P2RY2: variants seen among roughly 807,000 people sequenced by gnomAD.
P2RY2 encodes the protein P2Y purinoceptor 2.
For missense variants in P2RY2, 567 were observed against 515.7 expected (o/e 1.10, Z -0.96); for synonymous variants, 241 against 231.9 (o/e 1.04, Z -0.35).
At chr11:73,232,530 G>C (rs1266361476) in intron 2 of P2RY2, among the ~76,000 whole-genome samples, 3 of 151,992 alleles carry the variant, frequency 2.0e-5, no homozygotes, top group Non-Finnish European at 4.4e-5. Context: ...TCCCACCTCA[G>C]ACTTCCGAGT....
At chr11:73,230,349 T>C (rs1211441305) in intron 2 of P2RY2, among the ~76,000 whole-genome samples, 2 of 151,828 alleles carry the variant, frequency 1.3e-5, no homozygotes, top group African/African-American at 2.4e-5. Flanking sequence ...GCTCTCAGTG[T>C]CACTCCCCTG....
At chr11:73,233,044 G>A (rs1018001204) in intron 2 of P2RY2, among the ~76,000 whole-genome samples, 7 of 152,132 alleles carry the variant, frequency 4.6e-5, no homozygotes, top group Non-Finnish European at 8.8e-5. Flanking sequence ...TGCTCAGTGG[G>A]GACAAGGTTG....
At position 73,236,947 on chromosome 11, in the gene P2RY2, G is replaced by A. The variant is rs1022233727; in HGVS notation, c.*1654G>A. 43 of 985,146 alleles carry A rather than the reference G, an allele frequency of 4.4e-5. No homozygotes were observed. In the African/African-American group the frequency reaches 6.3e-4, roughly 14 times the overall value. The allele number at this position is 985,146 out of a possible 1,614,324, so 61.0% of individuals were successfully genotyped here. On this transcript the variant is annotated 3_prime_UTR_variant, in exon 3 of 3. Transcript: ENST00000393597. ...GACAGGCCTCACTCTTGATCTCAAG[G>A]ACAGGGACTCCCTCCTCTCCCTCTG...
chr11:73,229,301 G>A (rs578251639), intron 2 of P2RY2, among the ~76,000 whole-genome samples: 11 of 152,148 alleles, frequency 7.2e-5, no homozygotes, highest in Non-Finnish European at 1.6e-4. Flanking sequence ...ACAGGCAGGG[G>A]AGCCTGGAAG....
In P2RY2 at chr11:73,238,584, G is replaced by C. The variant is rs1009924372; in HGVS notation, c.*3291G>C. Among the ~76,000 whole-genome samples, 2 of 152,192 alleles carry C rather than the reference G, an allele frequency of 1.3e-5. No individual in the cohort carries two copies. Among genetic ancestry groups the C allele is most frequent in the Non-Finnish European group, 2.9e-5 (2 of 68,028 alleles). On this transcript the variant is annotated 3_prime_UTR_variant, in exon 3 of 3. Coordinates refer to ENST00000393597, the MANE Select transcript of P2RY2 (RefSeq NM_002564.4). ...ATCAGGCACATGAGGGAGGGAAGTC[G>C]TGTATTGACCCATGTCCCACGCACC...
rs1862608162 is a variant in P2RY2 at position 73,235,169 on chromosome 11, G to A, written c.1010G>A (p.Gly337Asp). The part of the protein sequence containing the change: ...SPATPARRRL[G>D]LRRSDRTDMQ... Reference sequence around the variant, plus strand: ...GCCACCCCGGCTCGCCGCAGGCTGGGCCTGCGCAGATCCGACAGAACTGAC... The same window carrying A: ...GCCACCCCGGCTCGCCGCAGGCTGGACCTGCGCAGATCCGACAGAACTGAC... The change falls in exon 3 of 3, where the codon GGC becomes GAC. Residue 337 changes from glycine (G) to aspartate (D), a missense_variant. Gly to Asp is a moderately conservative substitution (Grantham distance 94). Transcript: ENST00000393597. The A allele has an allele frequency of 2.5e-6, 4 of 1,609,720 alleles. No homozygotes were observed. In the East Asian group the frequency reaches 8.9e-5, roughly 36 times the overall value.
chr11:73,220,493 C>A (rs1051771041), intron 1 of P2RY2, among the ~76,000 whole-genome samples: 1 of 152,310 alleles, frequency 6.6e-6, no homozygotes, highest in South Asian at 2.1e-4. Flanking sequence ...AAACACTTTT[C>A]CCTGAGCCTT....
chr11:73,227,670 C>T (rs555436614), intron 1 of P2RY2, among the ~76,000 whole-genome samples: 35 of 152,236 alleles, frequency 2.3e-4, no homozygotes, highest in African/African-American at 6.7e-4. Context: ...GAACCAGGAC[C>T]GAGGGAAGGG....
chr11:73,230,245 CT>C (rs940706930), intron 2 of P2RY2, among the ~76,000 whole-genome samples: 1 of 152,006 alleles, frequency 6.6e-6, no homozygotes, highest in Admixed American at 6.5e-5. Context: ...CACTGCATTC[CT>C]CCTCCCCACC....
At position 73,235,871 on chromosome 11, in the gene P2RY2, G is replaced by T. The variant is rs774207121; in HGVS notation, c.*578G>T. 3 of 1,000,342 alleles carry T rather than the reference G, an allele frequency of 3.0e-6. No individual in the cohort carries two copies. The highest frequency in any genetic ancestry group is 3.5e-5 in the African/African-American group (2 of 57,242). The allele number at this position is 1,000,342 out of a possible 1,614,324, so 62.0% of individuals were successfully genotyped here. A position where few individuals can be genotyped will look rare whatever the true frequency, so the allele number is the denominator to read the frequency against. On this transcript the variant is annotated 3_prime_UTR_variant, in exon 3 of 3. Transcript: ENST00000393597. ...ACTAATATCATAGACCCATCTGGAG[G>T]CTCCCATGGGCTAGGAGCCAGTGTG...
Position 73,239,882 on chromosome 11 carries a change from A to T in P2RY2, c.*4589A>T, listed in dbSNP as rs1181650230. 6.6e-6 allele frequency: 1 copy of T among 152,530 alleles called. No individual in the cohort carries two copies. The highest frequency in any genetic ancestry group is 1.5e-5 in the Non-Finnish European group (1 of 68,296). 9.4% of individuals were successfully genotyped at this position (152,530 alleles called of 1,614,324 possible). A position where few individuals can be genotyped will look rare whatever the true frequency, so the allele number is the denominator to read the frequency against. On this transcript the variant is annotated 3_prime_UTR_variant, in exon 3 of 3. Transcript: ENST00000393597. ...CCCCACTGCCGCCACACAGAGCCAC[A>T]CAGTGCGATGTCTGGAGCTCCTGCC...
chr11:73,231,484 G>A (rs1862455948), intron 2 of P2RY2, among the ~76,000 whole-genome samples: 1 of 151,576 alleles, frequency 6.6e-6, no homozygotes, highest in African/African-American at 2.4e-5. Context: ...TTGAACCCAG[G>A]AGACAGAGGT....
intron 2 of P2RY2, 122 bp from the exon 3 acceptor site, chr11:73,234,034 G>T: frequency 8.5e-7 from 1 of 1,176,480 alleles, no homozygotes; most frequent in Non-Finnish European, 1.2e-6. Context: ...TCCAGAGCTT[G>T]GAGGTTCCAG....
rs1212845798 is a variant in P2RY2 at position 73,236,725 on chromosome 11, C to T, written c.*1432C>T. 3 of 985,292 alleles carry T rather than the reference C, an allele frequency of 3.0e-6. No individual in the cohort carries two copies. The highest frequency in any genetic ancestry group is 3.5e-5 in the African/African-American group (2 of 57,236). The allele number at this position is 985,292 out of a possible 1,614,324, so 61.0% of individuals were successfully genotyped here. A position where few individuals can be genotyped will look rare whatever the true frequency, so the allele number is the denominator to read the frequency against. On this transcript the variant is annotated 3_prime_UTR_variant, in exon 3 of 3. Transcript: ENST00000393597. Reference sequence around the variant, plus strand: ...TAAATATGAAAGAGATTCACTCCTCCTCCTGTCCATCGTCTGCCTTCTGGG... The same window carrying T: ...TAAATATGAAAGAGATTCACTCCTCTTCCTGTCCATCGTCTGCCTTCTGGG...
chr11:73,234,268 C>T lies in P2RY2; in HGVS notation c.109C>T (p.Pro37Ser). 6.2e-7 allele frequency: 1 copy of T among 1,614,162 alleles called. No individual in the cohort carries two copies. Among genetic ancestry groups the T allele is most frequent in the Non-Finnish European group, 8.5e-7 (1 of 1,180,026 alleles). ...CGAGGACTTCAAGTACGTGCTGCTG[C>T]CTGTGTCCTACGGCGTGGTGTGCGT... is the stretch of plus-strand genomic sequence containing the variant. ...FNEDFKYVLL[P>S]VSYGVVCVPG... Residue 37 changes from proline (P) to serine (S), a missense_variant, in exon 3 of 3, where the codon CCT becomes TCT. By Grantham distance (74) the Pro-to-Ser change is moderately conservative. Transcript: ENST00000393597.
chr11:73,234,978 G>A lies in P2RY2; in HGVS notation c.819G>A (p.Ser273=), dbSNP rs752944917. 8.1e-6 allele frequency: 13 copies of A among 1,609,534 alleles called. No individual in the cohort carries two copies. Among genetic ancestry groups the A allele is most frequent in the Admixed American group, 1.7e-5 (1 of 60,006 alleles). The part of the protein sequence containing the change: ...VTRTLYYSFR[S]LDLSCHTLNA... ...GCACCCTCTACTACTCCTTCCGCTC[G>A]CTGGACCTCAGCTGCCACACCCTCA... The change falls in exon 3 of 3, where the codon TCG becomes TCA. Residue 273 remains serine (S), a synonymous_variant. Transcript: ENST00000393597.
chr11:73,230,116 A>AG (rs1196564767), intron 2 of P2RY2, among the ~76,000 whole-genome samples: 1 of 151,980 alleles, frequency 6.6e-6, no homozygotes, highest in Non-Finnish European at 1.5e-5. Context: ...TAGTCTCGCA[A>AG]GGGGGCCTCT....
intron 2 of P2RY2, among the ~76,000 whole-genome samples, chr11:73,233,218 G>A (rs966073955): frequency 5.3e-5 from 8 of 152,220 alleles, no homozygotes; most frequent in Non-Finnish European, 1.0e-4. Flanking sequence ...TTCCCTGGTA[G>A]CCTCACAGGC....
At chr11:73,221,081 G>T (rs1003985561) in intron 1 of P2RY2, among the ~76,000 whole-genome samples, 1 of 152,158 alleles carries the variant, frequency 6.6e-6, no homozygotes, top group Non-Finnish European at 1.5e-5. Flanking sequence ...GCCTTAAACT[G>T]CAGTGCTCAG....
Sources: gnomAD v4.1 joint callset for allele counts (sites outside exome capture counted in the v4.1 genomes callset) on GRCh38, gnomAD v4.1.1 for gene constraint, MANE v1.5 for transcripts, NCBI Gene and HGNC (gene_info 2026-07-23, HGNC 2026-07-21) for gene names.